Variants in FAT3 observed in about 807,000 individuals in gnomAD.
FAT3 encodes FAT atypical cadherin 3.
A neutral mutation model predicts 310.2 loss-of-function variants in FAT3; 95 were observed. The observed-to-expected ratio is 0.31, with a 90% CI of 0.26 to 0.36. The LOEUF is 0.36. Among genes scored for constraint, FAT3 ranks in the 10% least tolerant of loss-of-function variants. The pLI, the probability that FAT3 is intolerant of heterozygous loss-of-function variation, is 1.00. For synonymous variants in FAT3, 2,314 were observed against 2,192.9 expected (o/e 1.06, Z -1.54); for missense variants, 5,408 against 5,715.6 (o/e 0.95, Z 1.74).
At chr11:92,345,005 A>T (rs1306217152) in intron 1 of FAT3, among the ~76,000 whole-genome samples, 1 of 152,134 alleles carries the variant, frequency 6.6e-6, no homozygotes, top group African/African-American at 2.4e-5. Flanking sequence ...TACTTTAAGA[A>T]ACCTCTTTAT....
At chr11:92,639,484 C>G (rs781171169) in intron 3 of FAT3, among the ~76,000 whole-genome samples, 1 of 152,158 alleles carries the variant, frequency 6.6e-6, no homozygotes, top group African/African-American at 2.4e-5. Flanking sequence ...CTCTCTTTCT[C>G]TCTCTCTCAA....
rs867765448 is a variant in FAT3 at position 92,435,480 on chromosome 11, T to A, written c.3292+80076T>A. The stretch of plus-strand genomic sequence containing the variant: ...TTTTCTTTTATTTATCCTTCCTTCC[T>A]TCCTTCCTTCCTTCCTTCCTTCCTT... On this transcript the variant is annotated intron_variant, in intron 2 of 27. Transcript: ENST00000525166. Among the ~76,000 whole-genome samples the A allele has an allele frequency of 3.3e-4, 43 of 131,170 alleles. No homozygotes were observed. The South Asian group carries it at 7.5e-3, about 23-fold the overall frequency. The allele number at this position is 131,170 out of a possible 152,430, so 86.1% of individuals were successfully genotyped here. A position where few individuals can be genotyped will look rare whatever the true frequency, so the allele number is the denominator to read the frequency against.
chr11:92,806,466 C>T lies in FAT3; in HGVS notation c.9198C>T (p.Tyr3066=). 6.4e-7 allele frequency: 1 copy of T among 1,574,012 alleles called. No individual in the cohort carries two copies. The highest frequency in any genetic ancestry group is 1.2e-5 in the South Asian group (1 of 85,908). ...TTGGATCCAATGGATATATACGATA[C>T]TCACTCTATGGATCTGGAAACAGTG... ...ADIGSNGYIR[Y]SLYGSGNSEF... Residue 3066 remains tyrosine, a synonymous_variant, in exon 12 of 28, where the codon TAC becomes TAT. Coordinates refer to ENST00000525166, the MANE Select transcript of FAT3 (RefSeq NM_001367949.2).
intron 12 of FAT3, 35 bp from the exon 13 acceptor site, chr11:92,809,808 A>G (rs1947618320): frequency 1.3e-6 from 2 of 1,551,698 alleles, no homozygotes; most frequent in African/African-American, 1.4e-5. Flanking sequence ...GTTTTTAAAA[A>G]CTCAGACCAA....
intron 2 of FAT3, among the ~76,000 whole-genome samples, chr11:92,468,361 C>T (rs1188915374): frequency 9.2e-5 from 14 of 152,138 alleles, no homozygotes; most frequent in Admixed American, 9.2e-4. Context: ...ATATGGTTGG[C>T]CTAACATAGT....
rs768207109 is a variant in FAT3 at position 92,798,063 on chromosome 11, G to A, written c.5050G>A (p.Val1684Ile). The A allele has an allele frequency of 3.0e-5, 49 of 1,613,726 alleles. No individual in the cohort carries two copies. Among genetic ancestry groups the A allele is most frequent in the Non-Finnish European group, 4.0e-5 (47 of 1,179,854 alleles). The part of the protein sequence containing the change: ...KDYQAEVNEN[V>I]DIGTSVILIS... ...CTACCAAGCAGAAGTAAATGAAAAT[G>A]TTGACATTGGAACATCAGTCATTCT... The change falls in exon 10 of 28, where the codon GTT (valine) becomes ATT (isoleucine). Residue 1684 changes from valine (V) to isoleucine (I), a missense_variant. By Grantham distance (29) the Val-to-Ile change is conservative. Transcript: ENST00000525166.
chr11:92,748,810 C>T (rs148662991), intron 4 of FAT3: 364 of 152,258 alleles, frequency 2.4e-3, no homozygotes, highest in African/African-American at 8.2e-3. Flanking sequence ...GCTTTTTCTC[C>T]GTGGGTGATA....
chr11:92,472,330 G>A (rs1382684997), intron 2 of FAT3, among the ~76,000 whole-genome samples: 1 of 152,000 alleles, frequency 6.6e-6, no homozygotes, highest in African/African-American at 2.4e-5. Context: ...ACTTCTGATG[G>A]CTCTTTGGTA....
intron 1 of FAT3, among the ~76,000 whole-genome samples, chr11:92,268,240 G>A (rs1946023391): frequency 6.6e-6 from 1 of 151,976 alleles, no homozygotes. Flanking sequence ...CCTTGCCCAG[G>A]GAAACACAGC....
intron 3 of FAT3, among the ~76,000 whole-genome samples, chr11:92,672,696 T>A (rs1383607415): frequency 6.6e-6 from 1 of 152,202 alleles, no homozygotes; most frequent in East Asian, 1.9e-4. Flanking sequence ...ACTGAAATAT[T>A]TGAATCTGAG....
At chr11:92,712,603 A>T (rs932663486) in intron 4 of FAT3, among the ~76,000 whole-genome samples, 2 of 146,764 alleles carry the variant, frequency 1.4e-5, no homozygotes, top group African/African-American at 5.1e-5. Context: ...GAAAAAAAAT[A>T]TATTCTTACC....
chr11:92,298,873 G>A (rs1272631567), intron 1 of FAT3, among the ~76,000 whole-genome samples: 1 of 152,116 alleles, frequency 6.6e-6, no homozygotes, highest in East Asian at 1.9e-4. Flanking sequence ...ATCTGCTGAA[G>A]GAATGGTTCT....
chr11:92,879,206 C>G (rs1281656610), intron 22 of FAT3, among the ~76,000 whole-genome samples: 2 of 152,186 alleles, frequency 1.3e-5, no homozygotes, highest in Non-Finnish European at 2.9e-5. Context: ...TGCAAAGTCT[C>G]ACAAGATTTC....
intron 2 of FAT3, among the ~76,000 whole-genome samples, chr11:92,447,141 C>T (rs139317133): frequency 2.0e-5 from 3 of 151,564 alleles, no homozygotes; most frequent in Non-Finnish European, 2.9e-5. Flanking sequence ...AAATGATACA[C>T]GTGTGTGCCA....
intron 2 of FAT3, among the ~76,000 whole-genome samples, chr11:92,488,063 C>T (rs143428195): frequency 6.6e-6 from 1 of 152,276 alleles, no homozygotes; most frequent in East Asian, 1.9e-4. Context: ...AAGACTCTGA[C>T]TTGCTAGCAG....
chr11:92,567,326 C>G (rs1257498062), intron 3 of FAT3, among the ~76,000 whole-genome samples: 5 of 148,894 alleles, frequency 3.4e-5, no homozygotes, highest in Non-Finnish European at 7.4e-5. Flanking sequence ...CAAATCAAAA[C>G]CACAATGAGA....
intron 2 of FAT3, among the ~76,000 whole-genome samples, chr11:92,511,192 G>T (rs890445851): frequency 1.3e-5 from 2 of 152,164 alleles, no homozygotes; most frequent in Non-Finnish European, 2.9e-5. Context: ...CCAAAACTGG[G>T]CATAATTTTA....
intron 2 of FAT3, among the ~76,000 whole-genome samples, chr11:92,399,911 T>C (rs1949971564): frequency 6.6e-6 from 1 of 152,110 alleles, no homozygotes; most frequent in African/African-American, 2.4e-5. Context: ...CAACAGGAGG[T>C]GCAATACAGA....
At chr11:92,470,604 T>A (rs983498819) in intron 2 of FAT3, among the ~76,000 whole-genome samples, 4 of 152,224 alleles carry the variant, frequency 2.6e-5, no homozygotes, top group Non-Finnish European at 4.4e-5. Context: ...TACATGGAAC[T>A]CACAGAACTT....
Sources: allele counts gnomAD v4.1 joint callset (sites outside exome capture counted in the v4.1 genomes callset), GRCh38; gene constraint gnomAD v4.1.1; transcripts MANE v1.5; gene names NCBI Gene and HGNC (gene_info 2026-07-23, HGNC 2026-07-21).